Variants in KCTD1 observed in about 807,000 individuals in gnomAD.
KCTD1 encodes potassium channel tetramerization domain containing 1.
A neutral mutation model predicts 66.0 loss-of-function variants in KCTD1; 24 were observed. The ratio of observed to expected loss-of-function variants is 0.36; its 90% CI spans 0.26 to 0.51. The LOEUF is 0.51. Ranked by LOEUF, KCTD1 falls within the 20% of genes least tolerant of loss-of-function variation. KCTD1 has a pLI of 0.95. For missense variants in KCTD1, 943 were observed against 1,205.2 expected (o/e 0.78, Z 3.22); for synonymous variants, 511 against 517.2 (o/e 0.99, Z 0.16).
chr18:26,547,509 C>T lies in KCTD1; in HGVS notation c.1028G>A (p.Arg343His). 1 of 1,551,528 alleles carries T rather than the reference C, an allele frequency of 6.4e-7. No individual in the cohort carries two copies. The highest frequency in any genetic ancestry group is 8.7e-7 in the Non-Finnish European group (1 of 1,146,990). ...GAGGGACTTGAAGTAGACGAACTTGCGACCGTCCTCGTCCATGGCCAGCCC... is the reference window on the plus strand; with the variant it reads ...GAGGGACTTGAAGTAGACGAACTTGTGACCGTCCTCGTCCATGGCCAGCCC... ...SFGLAMDEDG[R>H]KFVYFKSLGP... The change falls in exon 1 of 5, where the codon CGC (arginine) becomes CAC (histidine). Residue 343 changes from arginine (R) to histidine (H), a missense_variant. This residue lies in a region of KCTD1 where 66 missense variants were observed against 61.6 expected (regional missense o/e 1.07). Transcript: ENST00000580059.
At chr18:26,488,624 C>T (rs1598891612) in intron 2 of KCTD1, among the ~76,000 whole-genome samples, 1 of 152,290 alleles carries the variant, frequency 6.6e-6, no homozygotes, top group East Asian at 1.9e-4. Context: ...AGCTATGAAG[C>T]CCTCCCAGCC....
chr18:26,639,289 G>A (rs1032769926), intron 1 of KCTD1, among the ~76,000 whole-genome samples: 1 of 152,174 alleles, frequency 6.6e-6, no homozygotes, highest in Non-Finnish European at 1.5e-5. Context: ...TGGAGAAGCC[G>A]GAGCCTAGAG....
At chr18:26,522,625 G>A (rs1181706549) in intron 1 of KCTD1, among the ~76,000 whole-genome samples, 2 of 152,064 alleles carry the variant, frequency 1.3e-5, no homozygotes, top group Non-Finnish European at 2.9e-5. Flanking sequence ...AACTTTCTCA[G>A]GTTTAATCAA....
At chr18:26,506,240 A>G (rs537349326) in intron 1 of KCTD1, among the ~76,000 whole-genome samples, 1 of 152,324 alleles carries the variant, frequency 6.6e-6, no homozygotes, top group Admixed American at 6.5e-5. Context: ...TAAGTGAACA[A>G]GAGTAAACAA....
chr18:26,531,474 T>C (rs1374085574), intron 1 of KCTD1, among the ~76,000 whole-genome samples: 1 of 152,186 alleles, frequency 6.6e-6, no homozygotes, highest in Non-Finnish European at 1.5e-5. Flanking sequence ...CCTTAAAACA[T>C]ATAAATCCTA....
At chr18:26,612,884 T>C (rs985113897) in intron 1 of KCTD1, among the ~76,000 whole-genome samples, 5 of 152,108 alleles carry the variant, frequency 3.3e-5, no homozygotes, top group South Asian at 2.1e-4. Context: ...CCAGTGTTGG[T>C]TTGGTTTCTG....
chr18:26,605,005 T>C (rs1986980514), intron 1 of KCTD1, among the ~76,000 whole-genome samples: 1 of 152,178 alleles, frequency 6.6e-6, no homozygotes, highest in South Asian at 2.1e-4. Flanking sequence ...TACCCTGCCA[T>C]CCTCAGAGTA....
chr18:26,554,921 A>G (rs147000214), intron 1 of KCTD1, among the ~76,000 whole-genome samples: 1 of 152,228 alleles, frequency 6.6e-6, no homozygotes, highest in Admixed American at 6.5e-5. Context: ...AAGGTTGTCA[A>G]AGTTAAATGA....
intron 1 of KCTD1, among the ~76,000 whole-genome samples, chr18:26,645,677 C>T (rs1365206718): frequency 1.3e-5 from 2 of 152,182 alleles, no homozygotes; most frequent in East Asian, 3.8e-4. Flanking sequence ...GGTTTACAGG[C>T]ATGAGCTGCC....
chr18:26,474,581 C>T (rs1201286931), intron 3 of KCTD1, among the ~76,000 whole-genome samples: 3 of 151,938 alleles, frequency 2.0e-5, no homozygotes, highest in African/African-American at 4.8e-5. Flanking sequence ...ATGTTTATTG[C>T]CAATTTCTGT....
rs542724620 is a variant in KCTD1, at chr18:26,637,717, G to A, written c.-107+2594C>T. On this transcript the variant is annotated intron_variant, in intron 1 of 5. Transcript: ENST00000579973. ...ATTCAGCGGTCGGCTCACCCTAGAGGCAGTGTCTCTAATGGGAGGAGCCTG... is the reference window on the plus strand; with the variant it reads ...ATTCAGCGGTCGGCTCACCCTAGAGACAGTGTCTCTAATGGGAGGAGCCTG... Among the ~76,000 whole-genome samples, 8 of 152,338 alleles carry A rather than the reference G, an allele frequency of 5.3e-5. No individual in the cohort carries two copies. The South Asian group carries it at 1.5e-3, about 28-fold the overall frequency.
At chr18:26,632,767 T>C (rs1009448655), upstream of KCTD1, among the ~76,000 whole-genome samples, 2 of 152,162 alleles carry the variant, frequency 1.3e-5, no homozygotes, top group African/African-American at 4.8e-5. Context: ...TACATCTATA[T>C]GAATAAAATT....
intron 1 of KCTD1, among the ~76,000 whole-genome samples, chr18:26,522,390 G>C (rs75326425): frequency 2.0e-5 from 3 of 152,134 alleles, no homozygotes. Flanking sequence ...CGAGCAGCTA[G>C]GAAGAATCAT....
At chr18:26,539,536 C>T (rs577583270) in intron 1 of KCTD1, among the ~76,000 whole-genome samples, 1 of 152,198 alleles carries the variant, frequency 6.6e-6, no homozygotes, top group African/African-American at 2.4e-5. Context: ...TACTCCATAG[C>T]TACAGAACCA....
At chr18:26,592,159 G>T (rs527597883) in intron 1 of KCTD1, among the ~76,000 whole-genome samples, 6 of 152,108 alleles carry the variant, frequency 3.9e-5, no homozygotes, top group Non-Finnish European at 7.4e-5. Flanking sequence ...TAAGGTCTCA[G>T]TTCCCATCTC....
At chr18:26,618,213 A>G (rs76510430) in intron 1 of KCTD1, among the ~76,000 whole-genome samples, 1,945 of 152,288 alleles carry the variant, frequency 0.013, 49 homozygotes, top group African/African-American at 0.045. Flanking sequence ...TTATCTTACA[A>G]GTGGTTATGC....
intron 1 of KCTD1, chr18:26,600,349 C>A: frequency 7.1e-7 from 1 of 1,401,824 alleles, no homozygotes; most frequent in Non-Finnish European, 1.0e-6. Flanking sequence ...CTAGGAAGGG[C>A]CTGACATGGG....
intron 1 of KCTD1, among the ~76,000 whole-genome samples, chr18:26,621,804 A>G (rs1039055084): frequency 6.6e-6 from 1 of 152,158 alleles, no homozygotes; most frequent in Non-Finnish European, 1.5e-5. Flanking sequence ...CAGAAAACAC[A>G]TTTTTTGTTT....
chr18:26,494,805 C>T (rs1982384604), intron 2 of KCTD1, among the ~76,000 whole-genome samples: 1 of 150,164 alleles, frequency 6.7e-6, no homozygotes, highest in Non-Finnish European at 1.5e-5. Context: ...CATAAACTAA[C>T]TTTTTTTTTT....
Sources: allele counts gnomAD v4.1 joint callset (sites outside exome capture counted in the v4.1 genomes callset), GRCh38; gene constraint gnomAD v4.1.1; regional missense constraint gnomAD v4.1.1; transcripts MANE v1.5; gene names NCBI Gene and HGNC (gene_info 2026-07-23, HGNC 2026-07-21).